Variants in GADL1 observed in about 807,000 individuals in gnomAD.
GADL1 encodes GAD like acidic amino acid decarboxylase 1.
GADL1 carries 71 observed loss-of-function variants against 69.5 expected under a neutral mutation model. The ratio of observed to expected loss-of-function variants is 1.02; its 90% CI spans 0.84 to 1.25. The LOEUF (loss-of-function observed/expected upper bound fraction) is 1.25, where lower values mean the gene tolerates loss of function less well. GADL1 is among the 50% of genes most tolerant of loss of function. GADL1 has a pLI of 0.00. For missense variants in GADL1, 737 were observed against 631.8 expected (o/e 1.17, Z -1.79); for synonymous variants, 254 against 214.4 (o/e 1.18, Z -1.62).
At chr3:30,769,798 TGA>T (rs1251684732) in intron 14 of GADL1, among the ~76,000 whole-genome samples, 1 of 152,178 alleles carries the variant, frequency 6.6e-6, no homozygotes, top group South Asian at 2.1e-4. Flanking sequence ...TTCTAGTAGA[TGA>T]GAGAGCTCAA....
intron 1 of GADL1, among the ~76,000 whole-genome samples, chr3:30,892,990 G>T (rs1210898813): frequency 2.0e-5 from 3 of 152,176 alleles, no homozygotes; most frequent in Non-Finnish European, 4.4e-5. Context: ...TCGAGTACTG[G>T]ATTACAGGCA....
intron 8 of GADL1, among the ~76,000 whole-genome samples, chr3:30,843,589 G>A (rs1698005527): frequency 6.6e-6 from 1 of 152,180 alleles, no homozygotes; most frequent in Non-Finnish European, 1.5e-5. Flanking sequence ...CAGGTGTTAA[G>A]GCCAGCCTTG....
intron 1 of GADL1, among the ~76,000 whole-genome samples, chr3:30,863,637 A>G (rs1389902): frequency 0.17 from 25,582 of 151,912 alleles, 2,191 homozygotes; most frequent in African/African-American, 0.21. Context: ...AACAATTTTT[A>G]AAGTACTTTT....
intron 14 of GADL1, among the ~76,000 whole-genome samples, chr3:30,755,210 TTGTC>T (rs1441709289): frequency 3.9e-4 from 60 of 152,300 alleles, no homozygotes; most frequent in Non-Finnish European, 1.5e-5. Flanking sequence ...TCATTTATAT[TTGTC>T]TTGCATGCAA....
chr3:30,731,222 C>T (rs1479209773), intron 14 of GADL1, among the ~76,000 whole-genome samples: 2 of 152,170 alleles, frequency 1.3e-5, no homozygotes, highest in South Asian at 2.1e-4. Flanking sequence ...TCTTCATGTT[C>T]CTCTCCTTCG....
intron 14 of GADL1, among the ~76,000 whole-genome samples, chr3:30,762,351 A>G (rs769427367): frequency 3.9e-5 from 6 of 152,198 alleles, no homozygotes; most frequent in Admixed American, 6.5e-5. Context: ...GGGTCCTTCG[A>G]AGACTGAAGT....
At chr3:30,892,943 G>A (rs1400124065) in intron 1 of GADL1, among the ~76,000 whole-genome samples, 5 of 152,150 alleles carry the variant, frequency 3.3e-5, no homozygotes, top group Non-Finnish European at 4.4e-5. Context: ...TGCAGGCTCC[G>A]CCTCCCAGGT....
chr3:30,868,161 A>G (rs1033593863), intron 1 of GADL1, among the ~76,000 whole-genome samples: 8 of 152,066 alleles, frequency 5.3e-5, no homozygotes, highest in Admixed American at 6.6e-5. Flanking sequence ...TGAGTTAAGT[A>G]CATGGAATTT....
chr3:30,752,269 C>A (rs1287964645), intron 14 of GADL1, among the ~76,000 whole-genome samples: 2 of 152,178 alleles, frequency 1.3e-5, no homozygotes, highest in Non-Finnish European at 2.9e-5. Context: ...AGCACTAGCA[C>A]AGGCTGGCAC....
At chr3:30,757,096 C>A (rs1006091531) in intron 14 of GADL1, among the ~76,000 whole-genome samples, 5 of 152,140 alleles carry the variant, frequency 3.3e-5, no homozygotes, top group African/African-American at 1.2e-4. Flanking sequence ...GAGACTAAGG[C>A]TGAGAACTTC....
intron 14 of GADL1, among the ~76,000 whole-genome samples, chr3:30,765,424 C>T (rs1184903380): frequency 2.0e-5 from 3 of 152,034 alleles, no homozygotes; most frequent in Non-Finnish European, 1.5e-5. Flanking sequence ...ATAAGTTGCC[C>T]AAATGAAGTT....
intron 13 of GADL1, among the ~76,000 whole-genome samples, chr3:30,785,844 T>C (rs549246351): frequency 6.6e-6 from 1 of 152,346 alleles, no homozygotes; most frequent in South Asian, 2.1e-4. Flanking sequence ...TTTCTAAACA[T>C]GTTTTAGAAA....
intron 1 of GADL1, among the ~76,000 whole-genome samples, chr3:30,870,313 G>T (rs1312284724): frequency 6.6e-6 from 1 of 151,748 alleles, no homozygotes; most frequent in Non-Finnish European, 1.5e-5. Flanking sequence ...TAAAAGAGAA[G>T]GAGAGCCAGA....
intron 12 of GADL1, among the ~76,000 whole-genome samples, chr3:30,793,110 A>G (rs1559501367): frequency 3.3e-5 from 5 of 152,184 alleles, no homozygotes; most frequent in Non-Finnish European, 5.9e-5. Context: ...AGCATCTCCC[A>G]GACACATTTA....
intron 12 of GADL1, among the ~76,000 whole-genome samples, chr3:30,789,413 A>G (rs1278594292): frequency 6.6e-6 from 1 of 152,208 alleles, no homozygotes; most frequent in East Asian, 1.9e-4. Flanking sequence ...CACTTAGAGT[A>G]CAGGCAGAGT....
chr3:30,782,665 A>G (rs1455857412), intron 13 of GADL1, among the ~76,000 whole-genome samples: 1 of 152,172 alleles, frequency 6.6e-6, no homozygotes, highest in Non-Finnish European at 1.5e-5. Flanking sequence ...GAATGTGAAG[A>G]CATTTCAGGG....
chr3:30,823,871 G>A (rs1697635191), intron 11 of GADL1, among the ~76,000 whole-genome samples: 1 of 151,904 alleles, frequency 6.6e-6, no homozygotes, highest in Non-Finnish European at 1.5e-5. Flanking sequence ...GGCTTTCGCA[G>A]CAGATTAGAT....
intron 12 of GADL1, chr3:30,797,707 G>A (rs1436229926): frequency 2.0e-5 from 3 of 151,204 alleles, no homozygotes; most frequent in Non-Finnish European, 2.9e-5. Context: ...GAAATGATAG[G>A]GACTGTGTTT....
At chr3:30,813,823 A>G (rs2125513986) in intron 11 of GADL1, among the ~76,000 whole-genome samples, 1 of 152,378 alleles carries the variant, frequency 6.6e-6, no homozygotes, top group East Asian at 1.9e-4. Context: ...CTTAAATAGC[A>G]GTTAAACATT....
Sources: allele counts gnomAD v4.1 joint callset (sites outside exome capture counted in the v4.1 genomes callset), GRCh38; gene constraint gnomAD v4.1.1; transcripts MANE v1.5; gene names NCBI Gene and HGNC (gene_info 2026-07-23, HGNC 2026-07-21).